Variants in NSD3 observed in about 807,000 individuals in gnomAD.
The protein encoded by NSD3 is nuclear receptor binding SET domain protein 3.
In NSD3, 24 loss-of-function variants were observed where a neutral mutation model predicts 160.8. That is an observed-to-expected ratio of 0.15 (90% CI 0.11 to 0.21). NSD3 has a LOEUF of 0.21. Ranked by LOEUF, NSD3 falls within the 10% of genes least tolerant of loss-of-function variation. The probability of loss-of-function intolerance (pLI) is 1.00; values close to 1 mark genes in which losing one functional copy is unlikely to be tolerated. For synonymous variants in NSD3, 520 were observed against 600.0 expected (o/e 0.87, Z 1.95); for missense variants, 1,157 against 1,735.9 (o/e 0.67, Z 5.93).
Position 38,329,995 on chromosome 8 carries a change from T to A in NSD3, c.1066-102A>T, listed in dbSNP as rs114827567. ...ATCCTGTTATCTTTTCAGGTCTACA[T>A]AAATATCTTCAGGTTCTTTGGTCAA... On this transcript the variant is annotated intron_variant, in intron 5 of 23. Transcript: ENST00000317025. The surrounding 1 kb of genome is among the most constrained non-coding windows in gnomAD (Gnocchi z 4.8). 1 of 1,372,386 alleles carries A rather than the reference T, an allele frequency of 7.3e-7. No homozygotes were observed. The highest frequency in any genetic ancestry group is 9.8e-7 in the Non-Finnish European group (1 of 1,023,824). 85.0% of individuals were successfully genotyped at this position (1,372,386 alleles called of 1,614,324 possible).
Position 38,347,944 on chromosome 8 carries a change from T to G in NSD3, c.228A>C (p.Ser76=). 6.2e-7 allele frequency: 1 copy of G among 1,614,210 alleles called. No individual in the cohort carries two copies. The highest frequency in any genetic ancestry group is 2.2e-5 in the East Asian group (1 of 44,894). The change falls in exon 2 of 24, where the codon TCA becomes TCC. Residue 76 remains serine, a synonymous_variant. Coordinates refer to ENST00000317025, the MANE Select transcript of NSD3 (RefSeq NM_023034.2). ...TGGTTTGAGTTTCATACACACTGAT[T>G]GATGATGGATACCCATTTGTGAGTG... ...LPPLTNGYPS[S]ISVYETQTKY...
chr8:38,295,549 C>A (rs567870397), intron 16 of NSD3, among the ~76,000 whole-genome samples: 6 of 152,038 alleles, frequency 3.9e-5, no homozygotes, highest in African/African-American at 9.7e-5. Flanking sequence ...TAGAGCCAAA[C>A]CGCCTCACAA....
intron 3 of NSD3, 51 bp from the exon 4 acceptor site, chr8:38,337,518 T>C (rs141192309): frequency 1.4e-6 from 2 of 1,429,838 alleles, no homozygotes; most frequent in Non-Finnish European, 1.8e-6. Flanking sequence ...AAAGAAACTA[T>C]GTATAAAGTA....
chr8:38,320,141 T>G (rs1312495852), intron 8 of NSD3: 1 of 152,146 alleles, frequency 6.6e-6, no homozygotes, highest in African/African-American at 2.4e-5. Flanking sequence ...TAGTTAAATA[T>G]TCTGGAAAAA....
intron 17 of NSD3, among the ~76,000 whole-genome samples, chr8:38,290,229 C>A (rs1210596833): frequency 6.6e-6 from 1 of 151,290 alleles, no homozygotes; most frequent in Non-Finnish European, 1.5e-5. Context: ...AAAAAAAAGA[C>A]TATTCCTAGA....
intron 1 of NSD3, among the ~76,000 whole-genome samples, chr8:38,364,611 G>A (rs1260536229): frequency 6.6e-6 from 1 of 151,992 alleles, no homozygotes; most frequent in Non-Finnish European, 1.5e-5. Flanking sequence ...AAATGCTATG[G>A]GTCCTTTTAC....
At chr8:38,336,206 A>G (rs1296580645) in intron 4 of NSD3, 2 of 152,238 alleles carry the variant, frequency 1.3e-5, no homozygotes, top group African/African-American at 2.4e-5. Flanking sequence ...GTCACAGACA[A>G]TGAGGAACTC....
chr8:38,289,361 T>C, intron 18 of NSD3, 32 bp downstream of exon 18: 1 of 1,557,618 alleles, frequency 6.4e-7, no homozygotes, highest in African/African-American at 1.4e-5. Context: ...CTTATTTTAT[T>C]TGGCAATCCC....
chr8:38,361,118 C>G (rs1413587739), intron 1 of NSD3, among the ~76,000 whole-genome samples: 2 of 152,092 alleles, frequency 1.3e-5, no homozygotes, highest in African/African-American at 2.4e-5. Context: ...CTCCGCCTCC[C>G]GAGTAGCTGG....
Position 38,318,961 on chromosome 8 carries a change from A to G in NSD3, c.1810-21T>C, listed in dbSNP as rs758031859. The G allele has an allele frequency of 6.3e-7, 1 of 1,591,340 alleles. No homozygotes were observed. Among genetic ancestry groups the G allele is most frequent in the East Asian group, 2.3e-5 (1 of 44,304 alleles). ...TCAACCTGTTTGGACAGAAAAATAC[A>G]GCATTAACAAAGAATTTTTTTCCCT... On this transcript the variant is annotated intron_variant, in intron 8 of 23. Transcript: ENST00000317025. This position sits in a 1 kb window ranked among gnomAD's most constrained non-coding sequence, Gnocchi z 5.3.
rs549068095 is a variant in NSD3, at chr8:38,309,230, G to A, written c.2243-3785C>T. Reference sequence around the variant, plus strand: ...CACCTGTAATCCCAGCACTCTGGGAGGGCAAGGCAGGTGGATCACTTGAGG... The same window carrying A: ...CACCTGTAATCCCAGCACTCTGGGAAGGCAAGGCAGGTGGATCACTTGAGG... On this transcript the variant is annotated intron_variant, in intron 12 of 23. Transcript: ENST00000317025. Among the ~76,000 whole-genome samples, 40 of 152,202 alleles carry A rather than the reference G, an allele frequency of 2.6e-4. No individual in the cohort carries two copies. The South Asian group carries it at 7.9e-3, about 30-fold the overall frequency.
intron 16 of NSD3, among the ~76,000 whole-genome samples, chr8:38,294,581 A>G (rs1483225018): frequency 6.6e-6 from 1 of 152,200 alleles, no homozygotes; most frequent in Non-Finnish European, 1.5e-5. Context: ...GTTTAGGGCT[A>G]AAATGGACGA....
chr8:38,315,479 C>T lies in NSD3; in HGVS notation c.2052G>A (p.Gln684=). 1 of 1,612,268 alleles carries T rather than the reference C, an allele frequency of 6.2e-7. No individual in the cohort carries two copies. Among genetic ancestry groups the T allele is most frequent in the Non-Finnish European group, 8.5e-7 (1 of 1,179,462 alleles). The part of the protein sequence containing the change: ...ATADADVSDV[Q]SMDSSLSRRG... ...TTCTCGACAAACTTGAATCCATGGA[C>T]TGCACATCAGAAACGTCTGCATCTG... The change falls in exon 11 of 24, where the codon CAG becomes CAA. Residue 684 remains glutamine, a synonymous_variant. Coordinates refer to ENST00000317025, the MANE Select transcript of NSD3 (RefSeq NM_023034.2).
chr8:38,343,564 G>A (rs1483354000), intron 2 of NSD3, among the ~76,000 whole-genome samples: 2 of 152,002 alleles, frequency 1.3e-5, no homozygotes, highest in Non-Finnish European at 2.9e-5. Flanking sequence ...CTAGCCAGGC[G>A]TGGTGGCACA....
At position 38,272,278 on chromosome 8, in the gene NSD3, C is replaced by A. The variant is rs1389413847; in HGVS notation, c.*3363G>T. Reference sequence around the variant, plus strand: ...TCCCAAATTTTAAATGATTCCCCAACTCAGCCAGTTCTATAGATGAGGCCA... The same window carrying A: ...TCCCAAATTTTAAATGATTCCCCAAATCAGCCAGTTCTATAGATGAGGCCA... On this transcript the variant is annotated 3_prime_UTR_variant, in exon 24 of 24. Transcript: ENST00000317025. The A allele has an allele frequency of 6.6e-6, 1 of 152,222 alleles. No homozygotes were observed. Among genetic ancestry groups the A allele is most frequent in the Non-Finnish European group, 1.5e-5 (1 of 68,040 alleles). 9.4% of individuals were successfully genotyped at this position (152,222 alleles called of 1,614,324 possible). A position where few individuals can be genotyped will look rare whatever the true frequency, so the allele number is the denominator to read the frequency against.
In NSD3 at chr8:38,318,807, G is replaced by A. The variant is rs1055864766; in HGVS notation, c.1855+88C>T. 1 of 1,295,456 alleles carries A rather than the reference G, an allele frequency of 7.7e-7. No individual in the cohort carries two copies. Among genetic ancestry groups the A allele is most frequent in the Non-Finnish European group, 1.1e-6 (1 of 901,318 alleles). The allele number at this position is 1,295,456 out of a possible 1,614,324, so 80.2% of individuals were successfully genotyped here. ...CTGAAGAGCAACAACGATTTACAGAGACAGACAAAAATACATGAAGTACAA... is the reference window on the plus strand; with the variant it reads ...CTGAAGAGCAACAACGATTTACAGAAACAGACAAAAATACATGAAGTACAA... On this transcript the variant is annotated intron_variant, in intron 9 of 23. Transcript: ENST00000317025. This position sits in a 1 kb window ranked among gnomAD's most constrained non-coding sequence, Gnocchi z 5.3.
Position 38,316,325 on chromosome 8 carries a change from T to C in NSD3, c.1856-283A>G. On this transcript the variant is annotated intron_variant, in intron 9 of 23. Coordinates refer to ENST00000317025, the MANE Select transcript of NSD3 (RefSeq NM_023034.2). This position sits in a 1 kb window ranked among gnomAD's most constrained non-coding sequence, Gnocchi z 4.5. ...CCCACGTTCCAACCTAAAAATCAAT[T>C]CTATGAAAATTGCAGGATAGCTGAT... 3.8e-6 allele frequency: 4 copies of C among 1,066,036 alleles called. No homozygotes were observed. The highest frequency in any genetic ancestry group is 4.7e-6 in the Non-Finnish European group (4 of 860,068). The allele number at this position is 1,066,036 out of a possible 1,614,324, so 66.0% of individuals were successfully genotyped here.
chr8:38,334,016 T>G (rs1018047058), intron 4 of NSD3, among the ~76,000 whole-genome samples: 3 of 152,254 alleles, frequency 2.0e-5, no homozygotes, highest in Non-Finnish European at 2.9e-5. Flanking sequence ...CTCCCATGTA[T>G]ACATGCAGTA....
At chr8:38,355,509 A>G (rs1810803950) in intron 1 of NSD3, among the ~76,000 whole-genome samples, 1 of 152,210 alleles carries the variant, frequency 6.6e-6, no homozygotes, top group Non-Finnish European at 1.5e-5. Flanking sequence ...GTAGCAAACA[A>G]TGTGAAACAG....
Sources: allele counts gnomAD v4.1 joint callset (sites outside exome capture counted in the v4.1 genomes callset), GRCh38; gene constraint gnomAD v4.1.1; non-coding constraint Gnocchi (gnomAD v3.1); transcripts MANE v1.5; gene names NCBI Gene and HGNC (gene_info 2026-07-23, HGNC 2026-07-21).